NDUFA10: variants seen among roughly 807,000 people sequenced by gnomAD.
The protein encoded by NDUFA10 is NADH:ubiquinone oxidoreductase subunit A10, also known as NADH dehydrogenase [ubiquinone] 1 alpha subcomplex subunit 10, mitochondrial.
In NDUFA10, 40 loss-of-function variants were observed where a neutral mutation model predicts 47.8. That is an observed-to-expected ratio of 0.84 (90% CI 0.65 to 1.09). The LOEUF is 1.09. NDUFA10 is among the 50% of genes least tolerant of loss of function. The pLI, the probability that NDUFA10 is intolerant of heterozygous loss-of-function variation, is 0.00. For missense variants in NDUFA10, 413 were observed against 451.1 expected (o/e 0.92, Z 0.76); for synonymous variants, 183 against 172.2 (o/e 1.06, Z -0.49).
At chr2:239,897,998 C>T (rs1032821939) in intron 4 of NDUFA10, among the ~76,000 whole-genome samples, 1 of 152,178 alleles carries the variant, frequency 6.6e-6, no homozygotes, top group Non-Finnish European at 1.5e-5. Flanking sequence ...ACCAAGAAAA[C>T]TGGAATGGCT....
chr2:239,969,068 T>C (rs186929033), intron 9 of NDUFA10, among the ~76,000 whole-genome samples: 1 of 152,202 alleles, frequency 6.6e-6, no homozygotes, highest in African/African-American at 2.4e-5. Context: ...GATCTAGCAC[T>C]CAAAAACGTA....
chr2:239,922,825 C>G (rs1559284915), intron 4 of NDUFA10, among the ~76,000 whole-genome samples: 1 of 152,192 alleles, frequency 6.6e-6, no homozygotes, highest in Admixed American at 6.5e-5. Flanking sequence ...CACAGGTGTG[C>G]AGTGTGCCAG....
At chr2:239,920,885 C>A (rs190543533) in intron 4 of NDUFA10, among the ~76,000 whole-genome samples, 4 of 152,298 alleles carry the variant, frequency 2.6e-5, no homozygotes, top group African/African-American at 9.6e-5. Context: ...TGGCTGCCCC[C>A]TTTAATCTTT....
chr2:239,954,845 G>A (rs1470644802), downstream of NDUFA10, among the ~76,000 whole-genome samples: 1 of 151,976 alleles, frequency 6.6e-6, no homozygotes, highest in Non-Finnish European at 1.5e-5. Flanking sequence ...TGCCAATGTT[G>A]GCGACACAGC....
intron 9 of NDUFA10, among the ~76,000 whole-genome samples, chr2:239,963,322 G>A (rs1444963603): frequency 6.6e-6 from 1 of 152,234 alleles, no homozygotes; most frequent in Non-Finnish European, 1.5e-5. Flanking sequence ...GAGGCGTCAG[G>A]AGAGTGAGGG....
At chr2:239,929,819 C>A (rs1271620475) in intron 4 of NDUFA10, among the ~76,000 whole-genome samples, 1 of 142,552 alleles carries the variant, frequency 7.0e-6, no homozygotes, top group Non-Finnish European at 1.5e-5. Context: ...TCCTCCACTG[C>A]TCTTGCTCCT....
At chr2:239,915,332 A>AGACACACAGAGAGATACAAAC (rs1289947844) in intron 4 of NDUFA10, among the ~76,000 whole-genome samples, 1 of 133,892 alleles carries the variant, frequency 7.5e-6, no homozygotes, top group African/African-American at 2.9e-5. Context: ...ACACACAGAG[A>AGACACACAGAGAGATACAAAC]ACGAAGACAT....
chr2:239,893,379 G>C (rs1375777823), intron 5 of NDUFA10, among the ~76,000 whole-genome samples: 1 of 152,222 alleles, frequency 6.6e-6, no homozygotes, highest in African/African-American at 2.4e-5. Flanking sequence ...CGGCAGCCCT[G>C]CCATGAATGT....
At chr2:239,964,079 T>C (rs936685229) in intron 9 of NDUFA10, among the ~76,000 whole-genome samples, 13 of 152,248 alleles carry the variant, frequency 8.5e-5, no homozygotes, top group East Asian at 5.8e-4. Flanking sequence ...TGCACGCCCA[T>C]GCATGTGCAG....
At chr2:239,927,535 A>G (rs898953815) in intron 4 of NDUFA10, among the ~76,000 whole-genome samples, 1 of 152,216 alleles carries the variant, frequency 6.6e-6, no homozygotes, top group African/African-American at 2.4e-5. Context: ...CTCAGGATGT[A>G]TCCCCGTCAT....
At chr2:239,897,746 T>A (rs191513834) in intron 4 of NDUFA10, among the ~76,000 whole-genome samples, 2 of 152,264 alleles carry the variant, frequency 1.3e-5, no homozygotes, top group East Asian at 3.9e-4. Flanking sequence ...CAAACCCTGC[T>A]GTTGGGAGGC....
chr2:240,014,955 C>T (rs1182521891), intron 4 of NDUFA10, 95 bp from the exon 5 acceptor site: 4 of 1,555,204 alleles, frequency 2.6e-6, no homozygotes, highest in Non-Finnish European at 3.5e-6. Flanking sequence ...AACATACACG[C>T]AATTCTCAAA....
At chr2:239,923,564 T>C (rs1443501302) in intron 4 of NDUFA10, among the ~76,000 whole-genome samples, 1 of 151,762 alleles carries the variant, frequency 6.6e-6, no homozygotes, top group Non-Finnish European at 1.5e-5. Flanking sequence ...AAGTAAATAA[T>C]ACAGAAAAAA....
At chr2:239,893,533 G>C (rs1304047890) in intron 5 of NDUFA10, among the ~76,000 whole-genome samples, 4 of 152,200 alleles carry the variant, frequency 2.6e-5, no homozygotes, top group African/African-American at 9.6e-5. Context: ...GGTGTCTGGT[G>C]AGGGCTGATC....
rs1173915238 is a variant in NDUFA10, at chr2:239,959,814, G to A, written c.*1304C>T. The stretch of plus-strand genomic sequence containing the variant: ...GGACAGATGGAAGGAAGAAAGGAAG[G>A]GAGGGAAGGAGGAGGAAAGAAGGAG... On this transcript the variant is annotated 3_prime_UTR_variant, in exon 10 of 10. Transcript: ENST00000252711. The A allele has an allele frequency of 4.6e-6, 4 of 870,670 alleles. No homozygotes were observed. The highest frequency in any genetic ancestry group is 3.7e-5 in the African/African-American group (2 of 54,510). The allele number at this position is 870,670 out of a possible 1,614,324, so 53.9% of individuals were successfully genotyped here. A position where few individuals can be genotyped will look rare whatever the true frequency, so the allele number is the denominator to read the frequency against.
At chr2:239,923,855 C>A (rs933006093) in intron 4 of NDUFA10, among the ~76,000 whole-genome samples, 2 of 152,020 alleles carry the variant, frequency 1.3e-5, no homozygotes, top group East Asian at 1.9e-4. Context: ...AAACCTCTAG[C>A]AAGACAGACA....
chr2:239,913,188 G>A (rs1337766135), intron 4 of NDUFA10, among the ~76,000 whole-genome samples: 2 of 152,234 alleles, frequency 1.3e-5, no homozygotes, highest in African/African-American at 4.8e-5. Context: ...CTGGTTGAAA[G>A]AGACTGCCCT....
At chr2:239,952,345 G>A (rs1694570510) in intron 4 of NDUFA10, among the ~76,000 whole-genome samples, 1 of 152,032 alleles carries the variant, frequency 6.6e-6, no homozygotes, top group Admixed American at 6.5e-5. Context: ...GCAGAGATGA[G>A]GATGCTGTTG....
intron 4 of NDUFA10, among the ~76,000 whole-genome samples, chr2:239,923,467 A>C (rs1694021095): frequency 6.6e-6 from 1 of 152,218 alleles, no homozygotes; most frequent in South Asian, 2.1e-4. Flanking sequence ...TCAATAACAA[A>C]AAGATAACAG....
Sources: gnomAD v4.1 joint callset for allele counts (sites outside exome capture counted in the v4.1 genomes callset) on GRCh38, gnomAD v4.1.1 for gene constraint, MANE v1.5 for transcripts, NCBI Gene and HGNC (gene_info 2026-07-23, HGNC 2026-07-21) for gene names.